The following TTLL11 variants were observed in gnomAD, a reference collection of about 807,000 sequenced individuals.
TTLL11 encodes the protein tubulin polyglutamylase TTLL11.
A neutral mutation model predicts 51.7 loss-of-function variants in TTLL11; 42 were observed. The observed-to-expected ratio is 0.81, with a 90% CI of 0.64 to 1.05. The LOEUF is 1.05. Ranked by LOEUF, TTLL11 falls within the 50% of genes least tolerant of loss-of-function variation. The pLI is 0.00. For missense variants in TTLL11, 799 were observed against 940.4 expected, an observed-to-expected ratio of 0.85 and a Z score of 1.97; for synonymous variants, 381 against 383.5, an observed-to-expected ratio of 0.99 and a Z score of 0.08.
In TTLL11 at chr9:121,938,288, C is replaced by CA. The variant is rs772725991; in HGVS notation, c.1481+35720dup. ...TGGGGAACAGAGTGAGACGCTGTCT[C>CA]AAAAAGAAAAAAAAAAAAATCAGGA... is the stretch of plus-strand genomic sequence containing the variant. On this transcript the variant is annotated intron_variant, in intron 6 of 8. Transcript: ENST00000321582. Among the ~76,000 whole-genome samples the CA allele has an allele frequency of 1.2e-3, 156 of 133,694 alleles. 4 individuals carry two copies. The highest frequency in any genetic ancestry group is 2.9e-3 in the Admixed American group (38 of 13,302). 87.7% of individuals were successfully genotyped at this position (133,694 alleles called of 152,430 possible).
At chr9:121,929,634 C>T (rs1478629115) in intron 6 of TTLL11, among the ~76,000 whole-genome samples, 3 of 152,134 alleles carry the variant, frequency 2.0e-5, no homozygotes, top group Non-Finnish European at 4.4e-5. Context: ...GTTTTTTGTG[C>T]TCACTCTGTG....
At chr9:121,895,016 C>T (rs977925468) in intron 6 of TTLL11, among the ~76,000 whole-genome samples, 6 of 151,958 alleles carry the variant, frequency 3.9e-5, no homozygotes, top group Non-Finnish European at 8.8e-5. Context: ...GTGGGACCAA[C>T]GACAGGAATA....
intron 6 of TTLL11, among the ~76,000 whole-genome samples, chr9:121,918,029 A>C (rs1373114251): frequency 6.6e-6 from 1 of 151,850 alleles, no homozygotes; most frequent in African/African-American, 2.4e-5. Flanking sequence ...CAGCCCTGTG[A>C]GCCTTGCAAA....
At chr9:122,058,296 G>C (rs1315158813) in intron 1 of TTLL11, among the ~76,000 whole-genome samples, 1 of 152,234 alleles carries the variant, frequency 6.6e-6, no homozygotes, top group African/African-American at 2.4e-5. Flanking sequence ...GCTCCATGTG[G>C]AGGGAGGAAA....
chr9:121,865,538 A>G (rs1256408117), intron 7 of TTLL11, among the ~76,000 whole-genome samples: 2 of 152,234 alleles, frequency 1.3e-5, no homozygotes, highest in African/African-American at 4.8e-5. Flanking sequence ...TGTGGGACAC[A>G]TTTGTAAAAA....
At chr9:121,839,199 T>C in intron 8 of TTLL11, among the ~76,000 whole-genome samples, 1 of 152,236 alleles carries the variant, frequency 6.6e-6, no homozygotes, top group East Asian at 1.9e-4. Flanking sequence ...TACATGCAAT[T>C]TCTGCGTTTC....
intron 6 of TTLL11, among the ~76,000 whole-genome samples, chr9:121,921,848 C>A (rs1185469087): frequency 1.3e-5 from 2 of 152,146 alleles, no homozygotes; most frequent in African/African-American, 4.8e-5. Context: ...ACAGCCGCCT[C>A]CTCAGGTAGA....
At chr9:122,040,506 T>C (rs1844820629) in intron 1 of TTLL11, 1 of 714,580 alleles carries the variant, frequency 1.4e-6, no homozygotes, top group Non-Finnish European at 1.7e-6. Flanking sequence ...AGAGAGGCCA[T>C]GTTAGTTCAT....
At chr9:122,007,391 C>T (rs1264314748) in intron 3 of TTLL11, among the ~76,000 whole-genome samples, 1 of 151,184 alleles carries the variant, frequency 6.6e-6, no homozygotes, top group Admixed American at 6.6e-5. Context: ...AGGAGAATCA[C>T]TTGAACCCGG....
intron 6 of TTLL11, among the ~76,000 whole-genome samples, chr9:121,934,571 G>T (rs1435410592): frequency 6.6e-6 from 1 of 152,176 alleles, no homozygotes; most frequent in Non-Finnish European, 1.5e-5. Context: ...GAAGTGAAAA[G>T]CTCACTTAGT....
chr9:121,941,831 CA>C (rs562184308), intron 6 of TTLL11, among the ~76,000 whole-genome samples: 2 of 152,102 alleles, frequency 1.3e-5, no homozygotes, highest in South Asian at 4.2e-4. Flanking sequence ...TCGCTCAGGC[CA>C]AAATCCCAAG....
chr9:121,838,502 T>G (rs1401595563), intron 8 of TTLL11, among the ~76,000 whole-genome samples: 1 of 152,148 alleles, frequency 6.6e-6, no homozygotes, highest in African/African-American at 2.4e-5. Flanking sequence ...GCGGATCACC[T>G]GAGGTCAGAA....
intron 8 of TTLL11, among the ~76,000 whole-genome samples, chr9:121,850,606 C>T (rs964762474): frequency 1.3e-5 from 2 of 152,074 alleles, no homozygotes; most frequent in African/African-American, 4.8e-5. Flanking sequence ...TCATCTTGGC[C>T]TTTTTGTTGC....
intron 1 of TTLL11, among the ~76,000 whole-genome samples, chr9:122,051,932 A>G (rs1352194144): frequency 1.3e-5 from 2 of 152,200 alleles, no homozygotes; most frequent in African/African-American, 4.8e-5. Context: ...AATAAAAATC[A>G]TAAAAGAAAA....
Position 122,007,482 on chromosome 9 carries a change from A to G in TTLL11, c.694-17712T>C, listed in dbSNP as rs796116537. Among the ~76,000 whole-genome samples the G allele has an allele frequency of 5.3e-4, 46 of 86,378 alleles. 1 individual carries two copies. The highest frequency in any genetic ancestry group is 1.6e-3 in the African/African-American group (44 of 27,042). 56.7% of individuals were successfully genotyped at this position (86,378 alleles called of 152,430 possible). A position where few individuals can be genotyped will look rare whatever the true frequency, so the allele number is the denominator to read the frequency against. ...AAGAGTGAAATTCCATCTCAAAAAA[A>G]AAAAAAAAGAAAAAAGAAAAGAAAA... is the stretch of plus-strand genomic sequence containing the variant. On this transcript the variant is annotated intron_variant, in intron 3 of 8. Coordinates refer to ENST00000321582, the MANE Select transcript of TTLL11 (RefSeq NM_001139442.2).
At chr9:121,983,545 G>A (rs892682454) in intron 4 of TTLL11, among the ~76,000 whole-genome samples, 1 of 152,212 alleles carries the variant, frequency 6.6e-6, no homozygotes, top group African/African-American at 2.4e-5. Flanking sequence ...AGGTCCAGAA[G>A]AAGAGGCTGA....
At chr9:121,985,513 CTTTTTTTTTT>C (rs71371908) in intron 4 of TTLL11, among the ~76,000 whole-genome samples, 5 of 97,288 alleles carry the variant, frequency 5.1e-5, no homozygotes, top group East Asian at 2.6e-4. Context: ...ATTTTCTTTT[CTTTTTTTTTT>C]TTTTTTTTTT....
intron 3 of TTLL11, among the ~76,000 whole-genome samples, chr9:122,016,557 T>A (rs530493163): frequency 3.9e-5 from 6 of 152,348 alleles, no homozygotes; most frequent in Non-Finnish European, 4.4e-5. Context: ...GACCCACTTA[T>A]AATGCCACAT....
chr9:121,881,337 T>A (rs1161852079), intron 6 of TTLL11, among the ~76,000 whole-genome samples: 1 of 152,202 alleles, frequency 6.6e-6, no homozygotes, highest in Non-Finnish European at 1.5e-5. Context: ...AGACTGTAAT[T>A]TCTTTTTGAC....
Sources: gnomAD v4.1 joint callset for allele counts (sites outside exome capture counted in the v4.1 genomes callset) on GRCh38, gnomAD v4.1.1 for gene constraint, MANE v1.5 for transcripts, NCBI Gene and HGNC (gene_info 2026-07-23, HGNC 2026-07-21) for gene names.